Variants in GPRIN3 observed in about 807,000 individuals in gnomAD.
The protein encoded by GPRIN3 is G protein-regulated inducer of neurite outgrowth 3.
Under a neutral mutation model 13.7 loss-of-function variants are expected in GPRIN3, and 12 were observed. The ratio of observed to expected loss-of-function variants is 0.87; its 90% CI spans 0.56 to 1.42. The LOEUF is 1.42. Ranked by LOEUF, GPRIN3 falls within the 40% of genes most tolerant of loss-of-function variation. The pLI is 0.00. For missense variants in GPRIN3, 1,009 were observed against 958.7 expected (o/e 1.05, Z -0.69); for synonymous variants, 377 against 372.7 (o/e 1.01, Z -0.13).
chr4:89,298,051 C>T (rs1326571600), intron 1 of GPRIN3, among the ~76,000 whole-genome samples: 1 of 152,122 alleles, frequency 6.6e-6, no homozygotes, highest in Admixed American at 6.5e-5. Context: ...CACTCTCACT[C>T]ATTTCACTGG....
At position 89,245,836 on chromosome 4, in the gene GPRIN3, T is replaced by C. The variant is rs1275793559; in HGVS notation, c.*1944A>G. The C allele has an allele frequency of 1.4e-5, 2 of 140,094 alleles. No homozygotes were observed. The highest frequency in any genetic ancestry group is 2.7e-5 in the African/African-American group (1 of 36,554). 8.7% of individuals were successfully genotyped at this position (140,094 alleles called of 1,614,324 possible). A position where few individuals can be genotyped will look rare whatever the true frequency, so the allele number is the denominator to read the frequency against. Reference sequence around the variant, plus strand: ...AGGCTAAATCTCTAATCATTAATAGTAATTTGCTTGGTAATTTGATGGAAA... The same window carrying C: ...AGGCTAAATCTCTAATCATTAATAGCAATTTGCTTGGTAATTTGATGGAAA... On this transcript the variant is annotated 3_prime_UTR_variant, in exon 2 of 2. Coordinates refer to ENST00000609438, the MANE Select transcript of GPRIN3 (RefSeq NM_198281.3).
At chr4:89,257,485 C>G (rs1723498609) in intron 1 of GPRIN3, among the ~76,000 whole-genome samples, 1 of 152,318 alleles carries the variant, frequency 6.6e-6, no homozygotes. Flanking sequence ...TTCTTGCTTT[C>G]TCTATTGCAG....
chr4:89,285,890 C>T (rs1426401863), intron 1 of GPRIN3, among the ~76,000 whole-genome samples: 1 of 152,122 alleles, frequency 6.6e-6, no homozygotes, highest in Non-Finnish European at 1.5e-5. Flanking sequence ...ACTCCAACTG[C>T]TTAATTTATC....
intron 1 of GPRIN3, among the ~76,000 whole-genome samples, chr4:89,301,090 A>C (rs1357949970): frequency 6.6e-6 from 1 of 152,206 alleles, no homozygotes; most frequent in Admixed American, 6.5e-5. Flanking sequence ...GAATTACAAA[A>C]GTTTTGCTGC....
At chr4:89,256,287 C>T (rs1482365250) in intron 1 of GPRIN3, among the ~76,000 whole-genome samples, 1 of 152,082 alleles carries the variant, frequency 6.6e-6, no homozygotes, top group Non-Finnish European at 1.5e-5. Flanking sequence ...GATTTGCAAT[C>T]CAGGGGCAGC....
At chr4:89,298,516 T>C (rs934181345) in intron 1 of GPRIN3, among the ~76,000 whole-genome samples, 1 of 152,110 alleles carries the variant, frequency 6.6e-6, no homozygotes, top group African/African-American at 2.4e-5. Context: ...TCTGAGATCA[T>C]GACCAGGAAA....
intron 1 of GPRIN3, 102 bp from the exon 2 acceptor site, chr4:89,250,335 TC>T: frequency 1.5e-6 from 1 of 650,234 alleles, no homozygotes; most frequent in Non-Finnish European, 2.3e-6. Flanking sequence ...AAACTTTTCT[TC>T]CCATACCTGT....
chr4:89,279,574 C>A (rs929952869), intron 1 of GPRIN3, among the ~76,000 whole-genome samples: 1 of 152,238 alleles, frequency 6.6e-6, no homozygotes, highest in African/African-American at 2.4e-5. Context: ...GTTTCTTTGT[C>A]ATTTCTGCTA....
chr4:89,290,482 C>A (rs1479343803), intron 1 of GPRIN3, among the ~76,000 whole-genome samples: 1 of 152,080 alleles, frequency 6.6e-6, no homozygotes, highest in Non-Finnish European at 1.5e-5. Context: ...GGATCCATTT[C>A]TCAAAGGGCT....
rs1723067067 is a variant in GPRIN3, at chr4:89,245,415, T to C, written c.*2365A>G. The C allele has an allele frequency of 6.6e-6, 1 of 152,272 alleles. No homozygotes were observed. Among genetic ancestry groups the C allele is most frequent in the Non-Finnish European group, 1.5e-5 (1 of 68,048 alleles). 9.4% of individuals were successfully genotyped at this position (152,272 alleles called of 1,614,324 possible). On this transcript the variant is annotated 3_prime_UTR_variant, in exon 2 of 2. Transcript: ENST00000609438. ...ACCACAATAGCAAATCTAGCAATTTTAATGTATTTAATGTGAGACAAATGC... is the reference window on the plus strand; with the variant it reads ...ACCACAATAGCAAATCTAGCAATTTCAATGTATTTAATGTGAGACAAATGC...
intron 1 of GPRIN3, among the ~76,000 whole-genome samples, chr4:89,293,468 C>G (rs1212569722): frequency 6.6e-6 from 1 of 152,328 alleles, no homozygotes; most frequent in African/African-American, 2.4e-5. Context: ...ATCACCTTGT[C>G]CATGGCAGGC....
intron 1 of GPRIN3, among the ~76,000 whole-genome samples, chr4:89,291,006 T>C (rs1724556477): frequency 6.6e-6 from 1 of 152,086 alleles, no homozygotes; most frequent in Non-Finnish European, 1.5e-5. Flanking sequence ...AAAGAGACGT[T>C]TGAGACAGAA....
intron 1 of GPRIN3, among the ~76,000 whole-genome samples, chr4:89,293,265 C>G (rs974036003): frequency 2.6e-5 from 4 of 152,200 alleles, no homozygotes; most frequent in Non-Finnish European, 5.9e-5. Flanking sequence ...GGGCTAGCAT[C>G]CTCTATGGTG....
chr4:89,248,546 T>A lies in GPRIN3; in HGVS notation c.1565A>T (p.Asp522Val). The A allele has an allele frequency of 6.2e-7, 1 of 1,613,364 alleles. No individual in the cohort carries two copies. Among genetic ancestry groups the A allele is most frequent in the Non-Finnish European group, 8.5e-7 (1 of 1,179,376 alleles). The change falls in exon 2 of 2, where the codon GAT becomes GTT. Residue 522 changes from aspartate (D) to valine (V), a missense_variant. Transcript: ENST00000609438. ...SDSCGSISKA[D>V]HSGSLDPTNK... ...AGTGGGATCCAAGCTCCCAGAATGA[T>A]CAGCTTTGCTGATAGAGCCACAAGA...
Position 89,241,892 on chromosome 4 carries a change from AAG to A in GPRIN3, c.*5886_*5887del, listed in dbSNP as rs2149246813. The A allele has an allele frequency of 6.6e-6, 1 of 152,298 alleles. No homozygotes were observed. Among genetic ancestry groups the A allele is most frequent in the African/African-American group, 2.4e-5 (1 of 41,572 alleles). The allele number at this position is 152,298 out of a possible 1,614,324, so 9.4% of individuals were successfully genotyped here. On this transcript the variant is annotated 3_prime_UTR_variant, in exon 2 of 2. Transcript: ENST00000609438. ...CAGAAAAAAAACTGTTTAACTGCTC[AAG>A]AGTTTTTCTAAAGAGAGACAATTTT...
rs1205385192 is a variant in GPRIN3, at chr4:89,241,666, A to T, written c.*6114T>A. The stretch of plus-strand genomic sequence containing the variant: ...ATGACTATAATACTGCAATCTCCTG[A>T]TATACCAGCATCATTTTAAGACACG... On this transcript the variant is annotated 3_prime_UTR_variant, in exon 2 of 2. Coordinates refer to ENST00000609438, the MANE Select transcript of GPRIN3 (RefSeq NM_198281.3). 6.6e-6 allele frequency: 1 copy of T among 152,174 alleles called. No individual in the cohort carries two copies. The highest frequency in any genetic ancestry group is 6.5e-5 in the Admixed American group (1 of 15,278). 9.4% of individuals were successfully genotyped at this position (152,174 alleles called of 1,614,324 possible).
intron 1 of GPRIN3, among the ~76,000 whole-genome samples, chr4:89,296,867 TG>T (rs1350870916): frequency 7.2e-5 from 11 of 151,990 alleles, no homozygotes; most frequent in East Asian, 1.9e-4. Flanking sequence ...ACTCACCCTG[TG>T]TTTTTTTAAA....
rs538646372 is a variant in GPRIN3, at chr4:89,295,332, A to T, written c.-124+12283T>A. ...TCTTATTTGTCCAAGATCTACAAAG[A>T]CAAGATGATGGCAGAAGTCCAGGCC... On this transcript the variant is annotated intron_variant, in intron 1 of 1. Coordinates refer to ENST00000609438, the MANE Select transcript of GPRIN3 (RefSeq NM_198281.3). Among the ~76,000 whole-genome samples, 4 of 152,326 alleles carry T rather than the reference A, an allele frequency of 2.6e-5. No homozygotes were observed. The South Asian group carries it at 8.3e-4, about 32-fold the overall frequency.
Position 89,242,716 on chromosome 4 carries a change from CT to C in GPRIN3, c.*5063del, listed in dbSNP as rs1232924269. Reference sequence around the variant, plus strand: ...GATGCATTTGCTGGTATAACTGCCTCTTTTTGGCACATTATTGCTTGGCTTT... The same window carrying C: ...GATGCATTTGCTGGTATAACTGCCTCTTTTGGCACATTATTGCTTGGCTTT... On this transcript the variant is annotated 3_prime_UTR_variant, in exon 2 of 2. Transcript: ENST00000609438. 6.6e-6 allele frequency: 1 copy of C among 152,132 alleles called. No individual in the cohort carries two copies. The highest frequency in any genetic ancestry group is 1.5e-5 in the Non-Finnish European group (1 of 68,020). The allele number at this position is 152,132 out of a possible 1,614,324, so 9.4% of individuals were successfully genotyped here.
Sources: gnomAD v4.1 joint callset for allele counts (sites outside exome capture counted in the v4.1 genomes callset) on GRCh38, gnomAD v4.1.1 for gene constraint, MANE v1.5 for transcripts, NCBI Gene and HGNC (gene_info 2026-07-23, HGNC 2026-07-21) for gene names.